The following FOXP2 variants were observed in gnomAD, a reference collection of about 807,000 sequenced individuals.
FOXP2 encodes forkhead box P2.
Under a neutral mutation model 115.8 loss-of-function variants are expected in FOXP2, and 12 were observed. The observed-to-expected ratio is 0.10, with a 90% CI of 0.07 to 0.17. The LOEUF is 0.17. Ranked by LOEUF, FOXP2 falls within the 10% of genes least tolerant of loss-of-function variation. The pLI is 1.00. For synonymous variants in FOXP2, 328 were observed against 297.7 expected (o/e 1.10, Z -1.05); for missense variants, 629 against 843.5 (o/e 0.75, Z 3.15).
At chr7:114,251,830 G>A (rs113411447) in intron 1 of FOXP2, among the ~76,000 whole-genome samples, 2,430 of 152,246 alleles carry the variant, frequency 0.016, 31 homozygotes, top group African/African-American at 0.029. Context: ...ACACTGTGTT[G>A]AATAGGAGTG....
At chr7:114,407,467 C>T (rs529380673) in intron 2 of FOXP2, among the ~76,000 whole-genome samples, 2 of 152,130 alleles carry the variant, frequency 1.3e-5, no homozygotes, top group African/African-American at 4.8e-5. Context: ...CAGTAGTCTG[C>T]ACTGTGGACT....
At chr7:114,290,814 C>T (rs149864155) in intron 2 of FOXP2, among the ~76,000 whole-genome samples, 38 of 152,068 alleles carry the variant, frequency 2.5e-4, no homozygotes, top group East Asian at 5.8e-4. Flanking sequence ...GGCTCTTTTA[C>T]GCTTAATTTG....
intron 2 of FOXP2, among the ~76,000 whole-genome samples, chr7:114,462,660 C>T (rs1479122943): frequency 3.3e-5 from 5 of 152,118 alleles, no homozygotes; most frequent in East Asian, 1.9e-4. Flanking sequence ...CGTGAGCCAC[C>T]GCGCCCGGCT....
In FOXP2 at chr7:114,119,424, A is replaced by T. The variant is rs570663125; in HGVS notation, c.-247+31586A>T. Reference sequence around the variant, plus strand: ...GATTTATCTATCAGTTATTTCCAGGATTGTAGTCTTATTGTAGTTACAATT... The same window carrying T: ...GATTTATCTATCAGTTATTTCCAGGTTTGTAGTCTTATTGTAGTTACAATT... On this transcript the variant is annotated intron_variant, in intron 1 of 19. Transcript: ENST00000635638. 2.3e-4 allele frequency among the ~76,000 whole-genome samples: 35 copies of T among 152,208 alleles called. No individual in the cohort carries two copies. The East Asian group carries it at 6.2e-3, about 27-fold the overall frequency.
chr7:114,164,663 A>T (rs188540334), intron 1 of FOXP2, among the ~76,000 whole-genome samples: 1 of 152,150 alleles, frequency 6.6e-6, no homozygotes, highest in Non-Finnish European at 1.5e-5. Context: ...AAATCATTGA[A>T]CTAGATAGAA....
intron 1 of FOXP2, among the ~76,000 whole-genome samples, chr7:114,243,204 C>A (rs1196045796): frequency 2.3e-5 from 3 of 127,676 alleles, no homozygotes; most frequent in Non-Finnish European, 4.9e-5. Context: ...TCGAAGCAAT[C>A]AAAACTAGAG....
chr7:114,229,629 A>G (rs547368187), intron 1 of FOXP2, among the ~76,000 whole-genome samples: 1 of 151,910 alleles, frequency 6.6e-6, no homozygotes, highest in East Asian at 1.9e-4. Context: ...GAAATTAAGC[A>G]ACATATTCTT....
At chr7:114,664,592 CA>C in intron 16 of FOXP2, 156 bp downstream of exon 16, 1 of 878,642 alleles carries the variant, frequency 1.1e-6, no homozygotes, top group Non-Finnish European at 1.7e-6. Flanking sequence ...CAAAGTTTAT[CA>C]AAATCGGTTT....
intron 2 of FOXP2, among the ~76,000 whole-genome samples, chr7:114,309,568 C>T (rs2690841): frequency 0.56 from 85,023 of 151,996 alleles, 26,706 homozygotes; most frequent in Admixed American, 0.74. Flanking sequence ...TAATTGATCT[C>T]GTCAGAGAAC....
intron 7 of FOXP2, among the ~76,000 whole-genome samples, 189 bp downstream of exon 7, chr7:114,642,812 A>ATATATATATATATATTTTTTT (rs1308357594): frequency 1.4e-5 from 1 of 72,438 alleles, no homozygotes; most frequent in South Asian, 5.7e-4. Flanking sequence ...ATATATATAT[A>ATATATATATATATATTTTTTT]TTTTTTTTTT....
intron 1 of FOXP2, among the ~76,000 whole-genome samples, chr7:114,250,190 T>G (rs1348099058): frequency 1.3e-5 from 2 of 152,170 alleles, no homozygotes; most frequent in African/African-American, 2.4e-5. Flanking sequence ...TAATCCAGTC[T>G]ATCACTGATG....
intron 2 of FOXP2, among the ~76,000 whole-genome samples, chr7:114,518,148 A>T (rs961358773): frequency 3.3e-5 from 5 of 152,154 alleles, no homozygotes; most frequent in African/African-American, 1.2e-4. Flanking sequence ...AAGGACTTCT[A>T]TTATAAGTCT....
intron 2 of FOXP2, among the ~76,000 whole-genome samples, chr7:114,522,880 T>C (rs1348808627): frequency 6.6e-6 from 1 of 152,082 alleles, no homozygotes; most frequent in Non-Finnish European, 1.5e-5. Flanking sequence ...ATCTGTAAAA[T>C]GTATCTTTGT....
chr7:114,118,441 T>G (rs906808850), intron 1 of FOXP2, among the ~76,000 whole-genome samples: 1 of 150,662 alleles, frequency 6.6e-6, no homozygotes, highest in Non-Finnish European at 1.5e-5. Context: ...AACCTAGAGG[T>G]TTTTTTTGGA....
intron 2 of FOXP2, among the ~76,000 whole-genome samples, chr7:114,377,172 T>G (rs1562893562): frequency 6.6e-6 from 1 of 152,160 alleles, no homozygotes; most frequent in Non-Finnish European, 1.5e-5. Flanking sequence ...ATGGTGACAT[T>G]ACTGTGCGAT....
At chr7:114,355,752 T>C (rs1262657766) in intron 2 of FOXP2, among the ~76,000 whole-genome samples, 2 of 152,116 alleles carry the variant, frequency 1.3e-5, no homozygotes, top group Non-Finnish European at 1.5e-5. Context: ...CCGGGGCTAG[T>C]TGATGAATGG....
intron 2 of FOXP2, among the ~76,000 whole-genome samples, chr7:114,345,511 A>G (rs1392298580): frequency 6.6e-6 from 1 of 151,794 alleles, no homozygotes; most frequent in Non-Finnish European, 1.5e-5. Flanking sequence ...GCATTCCTTA[A>G]TGCTTTTTCT....
At chr7:114,214,189 T>A (rs1335347372) in intron 1 of FOXP2, among the ~76,000 whole-genome samples, 1 of 152,202 alleles carries the variant, frequency 6.6e-6, no homozygotes, top group Non-Finnish European at 1.5e-5. Context: ...ATGATATCAC[T>A]ATTCTTATTC....
At chr7:114,097,285 A>G (rs1584476725) in intron 1 of FOXP2, among the ~76,000 whole-genome samples, 1 of 152,098 alleles carries the variant, frequency 6.6e-6, no homozygotes, top group African/African-American at 2.4e-5. Flanking sequence ...ATTTTATTCA[A>G]CCCTTCCTCC....
Sources: allele counts gnomAD v4.1 joint callset (sites outside exome capture counted in the v4.1 genomes callset), GRCh38; gene constraint gnomAD v4.1.1; transcripts MANE v1.5; gene names NCBI Gene and HGNC (gene_info 2026-07-23, HGNC 2026-07-21).